Variants in RABGAP1 observed in about 807,000 individuals in gnomAD.
RABGAP1 encodes the protein rab GTPase-activating protein 1.
A neutral mutation model predicts 137.6 loss-of-function variants in RABGAP1; 23 were observed. That is an observed-to-expected ratio of 0.17 (90% CI 0.12 to 0.24). The LOEUF (loss-of-function observed/expected upper bound fraction) is 0.24. Ranked by LOEUF, RABGAP1 falls within the 10% of genes least tolerant of loss-of-function variation. The probability of loss-of-function intolerance (pLI) is 1.00; values close to 1 mark genes in which losing one functional copy is unlikely to be tolerated. For synonymous variants in RABGAP1, 451 were observed against 450.7 expected (o/e 1.00, Z -0.01); for missense variants, 906 against 1,275.8 (o/e 0.71, Z 4.42).
At chr9:123,065,084 T>G (rs1323200554) in intron 13 of RABGAP1, among the ~76,000 whole-genome samples, 1 of 152,206 alleles carries the variant, frequency 6.6e-6, no homozygotes, top group East Asian at 1.9e-4. Flanking sequence ...GGTCACCAGC[T>G]GCAGTTCTTT....
At chr9:123,028,573 G>A (rs975618879) in intron 13 of RABGAP1, among the ~76,000 whole-genome samples, 1 of 152,228 alleles carries the variant, frequency 6.6e-6, no homozygotes, top group Non-Finnish European at 1.5e-5. Context: ...AGAGAGAACA[G>A]CGTGTACTCA....
intron 10 of RABGAP1, among the ~76,000 whole-genome samples, chr9:123,004,022 G>A (rs950823450): frequency 2.0e-5 from 3 of 152,110 alleles, no homozygotes; most frequent in Admixed American, 6.5e-5. Context: ...CTGGATACCC[G>A]GGCCTCTTAT....
chr9:123,001,433 C>T (rs1242345888), intron 10 of RABGAP1, among the ~76,000 whole-genome samples: 1 of 151,952 alleles, frequency 6.6e-6, no homozygotes, highest in Non-Finnish European at 1.5e-5. Context: ...TTTTTTATTT[C>T]GATAGCAAGA....
intron 13 of RABGAP1, among the ~76,000 whole-genome samples, chr9:123,051,235 T>TTTTG: frequency 1.4e-5 from 1 of 69,252 alleles, no homozygotes; most frequent in South Asian, 6.3e-4. Flanking sequence ...TTTTTTTTTT[T>TTTTG]TTTTTTTTTT....
chr9:123,075,888 C>T (rs1191172368), intron 17 of RABGAP1, among the ~76,000 whole-genome samples: 2 of 152,110 alleles, frequency 1.3e-5, no homozygotes, highest in Non-Finnish European at 2.9e-5. Flanking sequence ...GGTTGCTGTG[C>T]ATGGATTGGG....
At chr9:123,050,040 A>G (rs2132055950) in intron 13 of RABGAP1, among the ~76,000 whole-genome samples, 1 of 152,338 alleles carries the variant, frequency 6.6e-6, no homozygotes, top group South Asian at 2.1e-4. Context: ...TGTTGGTTGC[A>G]TTGTGATCTA....
At chr9:123,047,504 G>A (rs774787003) in intron 13 of RABGAP1, among the ~76,000 whole-genome samples, 1 of 152,088 alleles carries the variant, frequency 6.6e-6, no homozygotes, top group Non-Finnish European at 1.5e-5. Flanking sequence ...TATTTCCTAT[G>A]TGCTGATAAG....
At chr9:122,933,941 AT>A in the RABGAP1 span, among the ~76,000 whole-genome samples, 9 of 79,356 alleles carry the variant, frequency 1.1e-4, no homozygotes, top group Middle Eastern at 8.5e-3. Flanking sequence ...TGAAAAAAAA[AT>A]TTTTTTGTAG....
chr9:123,063,266 T>A (rs1052948650), intron 13 of RABGAP1: 8 of 153,006 alleles, frequency 5.2e-5, no homozygotes, highest in Admixed American at 5.2e-4. Flanking sequence ...ATTCTTAGCA[T>A]TTTTTAGAGC....
intron 1 of RABGAP1, among the ~76,000 whole-genome samples, chr9:122,948,796 C>CA (rs1356447091): frequency 6.6e-6 from 1 of 152,108 alleles, no homozygotes; most frequent in African/African-American, 2.4e-5. Flanking sequence ...CATCCATGTC[C>CA]ACATCCCCAG....
At chr9:122,944,988 G>A (rs1287088481) in intron 1 of RABGAP1, among the ~76,000 whole-genome samples, 1 of 151,804 alleles carries the variant, frequency 6.6e-6, no homozygotes, top group African/African-American at 2.4e-5. Flanking sequence ...TTTAAGGTAC[G>A]TAAAGCAGAA....
chr9:122,993,127 A>G (rs1286355404), intron 6 of RABGAP1, among the ~76,000 whole-genome samples: 1 of 152,166 alleles, frequency 6.6e-6, no homozygotes, highest in Non-Finnish European at 1.5e-5. Flanking sequence ...ATGTTGGTTT[A>G]TGGATATTAC....
chr9:123,059,407 T>C (rs1028086351), intron 13 of RABGAP1, among the ~76,000 whole-genome samples: 2 of 151,902 alleles, frequency 1.3e-5, no homozygotes, highest in Non-Finnish European at 2.9e-5. Flanking sequence ...TTAAAAAAAT[T>C]AGCCAGGCGT....
At chr9:123,033,810 A>G (rs1216120631) in intron 13 of RABGAP1, 1 of 152,240 alleles carries the variant, frequency 6.6e-6, no homozygotes, top group Non-Finnish European at 1.5e-5. Context: ...AAAATATTAT[A>G]TTGGAATCAA....
At chr9:123,095,572 C>T (rs550431294) in intron 21 of RABGAP1, among the ~76,000 whole-genome samples, 1 of 152,224 alleles carries the variant, frequency 6.6e-6, no homozygotes, top group East Asian at 1.9e-4. Flanking sequence ...CATAGTGACA[C>T]ATGCCTGTAG....
intron 1 of RABGAP1, among the ~76,000 whole-genome samples, chr9:122,956,650 A>AC (rs1358683246): frequency 3.4e-3 from 2 of 596 alleles, no homozygotes; most frequent in African/African-American, 4.4e-3. Context: ...ACTCCGTCTC[A>AC]AAAAAAAAAA....
At chr9:122,965,454 A>G (rs989519773) in intron 2 of RABGAP1, among the ~76,000 whole-genome samples, 1 of 152,028 alleles carries the variant, frequency 6.6e-6, no homozygotes, top group South Asian at 2.1e-4. Context: ...CGTGATCTCA[A>G]CCCACTTCAA....
In RABGAP1 at chr9:123,097,780, A is replaced by G; in HGVS notation, c.2668A>G (p.Met890Val). ...KADALNKELL[M>V]TKQKLIDAEE... ...AGATGCTCTGAATAAGGAGCTGCTG[A>G]TGACCAAACAGAAGTTGATTGATGC... The change falls in exon 22 of 26, where the codon ATG (methionine) becomes GTG (valine). Residue 890 changes from methionine (M) to valine (V), a missense_variant. Physicochemically the swap from Met to Val is conservative, Grantham distance 21. Around this residue, in one of 9 missense-constraint regions of RABGAP1, gnomAD observed 193 missense variants for 248.1 expected, o/e 0.78. Transcript: ENST00000373647. 1 of 1,613,958 alleles carries G rather than the reference A, an allele frequency of 6.2e-7. No individual in the cohort carries two copies. The highest frequency in any genetic ancestry group is 1.1e-5 in the South Asian group (1 of 91,022).
chr9:123,051,206 A>T (rs1197537666), intron 13 of RABGAP1, among the ~76,000 whole-genome samples: 5 of 37,148 alleles, frequency 1.3e-4, no homozygotes, highest in East Asian at 4.2e-4. Context: ...TTGTGATTTT[A>T]TTCACCTTGG....
Sources: gnomAD v4.1 joint callset for allele counts (sites outside exome capture counted in the v4.1 genomes callset) on GRCh38, gnomAD v4.1.1 for gene constraint, gnomAD v4.1.1 regional missense constraint, MANE v1.5 for transcripts, NCBI Gene and HGNC (gene_info 2026-07-23, HGNC 2026-07-21) for gene names.